Variants in FOXN3 observed in about 807,000 individuals in gnomAD.
The protein encoded by FOXN3 is forkhead box N3, also known as forkhead box protein N3.
A neutral mutation model predicts 38.4 loss-of-function variants in FOXN3; 7 were observed. The observed-to-expected ratio is 0.18, with a 90% confidence interval of 0.10 to 0.34. FOXN3 has a LOEUF of 0.34. Ranked by LOEUF, FOXN3 falls within the 10% of genes least tolerant of loss-of-function variation. FOXN3 has a pLI of 1.00. For synonymous variants in FOXN3, 230 were observed against 242.2 expected, an observed-to-expected ratio of 0.95 and a Z score of 0.47; for missense variants, 456 against 613.4, an observed-to-expected ratio of 0.74 and a Z score of 2.71.
intron 1 of FOXN3, among the ~76,000 whole-genome samples, chr14:89,499,697 C>T (rs139949724): frequency 0.017 from 2,512 of 152,152 alleles, 33 homozygotes; most frequent in Non-Finnish European, 0.023. Context: ...GACTCGTTTA[C>T]GTGTAATTTT....
At chr14:89,205,229 C>A (rs1888349855) in intron 4 of FOXN3, among the ~76,000 whole-genome samples, 1 of 151,840 alleles carries the variant, frequency 6.6e-6, no homozygotes, top group Non-Finnish European at 1.5e-5. Flanking sequence ...GTGTGTGTCC[C>A]CCAAAATTCC....
intron 1 of FOXN3, among the ~76,000 whole-genome samples, chr14:89,602,657 T>C (rs2401832): frequency 1 from 151,879 of 151,884 alleles, 75,937 homozygotes; most frequent in Middle Eastern, 1. Flanking sequence ...CCACCACACC[T>C]GGCTAATTTT....
At chr14:89,355,277 G>C (rs1199927459) in intron 2 of FOXN3, 1 of 151,238 alleles carries the variant, frequency 6.6e-6, no homozygotes, top group East Asian at 1.9e-4. Flanking sequence ...GCCCAGGCTG[G>C]AATGCAGTGG....
intron 4 of FOXN3, among the ~76,000 whole-genome samples, chr14:89,209,976 A>G (rs998401014): frequency 6.6e-6 from 1 of 152,222 alleles, no homozygotes; most frequent in African/African-American, 2.4e-5. Flanking sequence ...TATTTATTGG[A>G]ACATTTCATG....
intron 1 of FOXN3, among the ~76,000 whole-genome samples, chr14:89,524,769 T>G (rs1894402668): frequency 1.3e-5 from 2 of 152,194 alleles, no homozygotes; most frequent in Admixed American, 6.5e-5. Context: ...TTACATCTAT[T>G]AAAGAAATTG....
intron 1 of FOXN3, among the ~76,000 whole-genome samples, chr14:89,565,474 G>A (rs1413454861): frequency 6.6e-6 from 1 of 152,200 alleles, no homozygotes; most frequent in Non-Finnish European, 1.5e-5. Context: ...CAGGACCTGG[G>A]AGACATGATC....
chr14:89,541,951 G>A (rs775458193), intron 1 of FOXN3, among the ~76,000 whole-genome samples: 3 of 152,116 alleles, frequency 2.0e-5, no homozygotes, highest in Non-Finnish European at 2.9e-5. Flanking sequence ...GACCCAAGTT[G>A]TTAAAGGAAA....
chr14:89,216,233 T>C (rs1157060110), intron 4 of FOXN3, among the ~76,000 whole-genome samples: 4 of 152,038 alleles, frequency 2.6e-5, no homozygotes, highest in African/African-American at 9.7e-5. Flanking sequence ...ATTCCAGCAA[T>C]AAAAGGCTTT....
At chr14:89,244,265 A>G (rs1280744114) in intron 4 of FOXN3, among the ~76,000 whole-genome samples, 1 of 152,228 alleles carries the variant, frequency 6.6e-6, no homozygotes, top group African/African-American at 2.4e-5. Flanking sequence ...ATTTGACCTT[A>G]TAATACAAAT....
chr14:89,239,713 G>A (rs1986775), intron 4 of FOXN3, among the ~76,000 whole-genome samples: 121,320 of 152,188 alleles, frequency 0.8, 48,413 homozygotes, highest in Non-Finnish European at 0.82. Context: ...TATTTATGGT[G>A]ATGATAATAA....
chr14:89,495,653 T>C lies in FOXN3; in HGVS notation c.-14-83163A>G, dbSNP rs889203255. 3.3e-5 allele frequency among the ~76,000 whole-genome samples: 5 copies of C among 152,174 alleles called. No individual in the cohort carries two copies. The South Asian group carries it at 6.2e-4, about 19-fold the overall frequency. On this transcript the variant is annotated intron_variant, in intron 1 of 6. Transcript: ENST00000345097. ...AAAACTGCAGTCCCTTCCATTAACTTTACATTTCTGCCTCTTATTTGCTTC... is the reference window on the plus strand; with the variant it reads ...AAAACTGCAGTCCCTTCCATTAACTCTACATTTCTGCCTCTTATTTGCTTC...
chr14:89,271,542 CT>C (rs1886151302), intron 4 of FOXN3, among the ~76,000 whole-genome samples: 1 of 152,074 alleles, frequency 6.6e-6, no homozygotes, highest in Non-Finnish European at 1.5e-5. Flanking sequence ...GTATCTGCAT[CT>C]GTCTATCTAC....
intron 1 of FOXN3, among the ~76,000 whole-genome samples, chr14:89,456,882 C>T (rs1892738135): frequency 6.6e-6 from 1 of 152,152 alleles, no homozygotes; most frequent in Admixed American, 6.5e-5. Flanking sequence ...CCTTTCTGAG[C>T]CCAGGTCCTT....
At chr14:89,524,292 T>C (rs1894382094) in intron 1 of FOXN3, among the ~76,000 whole-genome samples, 1 of 133,208 alleles carries the variant, frequency 7.5e-6, no homozygotes, top group Non-Finnish European at 1.5e-5. Flanking sequence ...GAGAATGGTG[T>C]GAAACCCGGG....
chr14:89,530,696 G>A (rs368456632), intron 1 of FOXN3, among the ~76,000 whole-genome samples: 7 of 151,456 alleles, frequency 4.6e-5, no homozygotes, highest in East Asian at 3.9e-4. Flanking sequence ...TGCAACCTCC[G>A]TCTCTTGGGT....
rs1414988954 is a variant in FOXN3, at chr14:89,164,977, G to C, written c.852-2008C>G. On this transcript the variant is annotated intron_variant, in intron 5 of 5. Coordinates refer to ENST00000557258, the MANE Select transcript of FOXN3 (RefSeq NM_005197.4). This position sits in a 1 kb window ranked among gnomAD's most constrained non-coding sequence, Gnocchi z 4.3. Reference sequence around the variant, plus strand: ...GCCGGTGGTATTTTGCTAAATTTAGGCTGGGGGAGAGACTCCGTACTGTCG... The same window carrying C: ...GCCGGTGGTATTTTGCTAAATTTAGCCTGGGGGAGAGACTCCGTACTGTCG... 6.6e-6 allele frequency among the ~76,000 whole-genome samples: 1 copy of C among 152,096 alleles called. No homozygotes were observed. The highest frequency in any genetic ancestry group is 1.5e-5 in the Non-Finnish European group (1 of 68,010).
At chr14:89,192,652 T>C in intron 4 of FOXN3, among the ~76,000 whole-genome samples, 1 of 141,576 alleles carries the variant, frequency 7.1e-6, no homozygotes, top group South Asian at 2.3e-4. Context: ...CTTATATAGT[T>C]TATATATACT....
rs549171268 is a variant in FOXN3, at chr14:89,162,558, T to C, written c.1263A>G (p.Glu421=). 2 of 1,613,896 alleles carry C rather than the reference T, an allele frequency of 1.2e-6. No individual in the cohort carries two copies. The highest frequency in any genetic ancestry group is 2.2e-5 in the East Asian group (1 of 44,852). Residue 421 remains glutamate, a synonymous_variant, in exon 6 of 6, where the codon GAA becomes GAG. Coordinates refer to ENST00000557258, the MANE Select transcript of FOXN3 (RefSeq NM_005197.4). This position sits in a 1 kb window ranked among gnomAD's most constrained non-coding sequence, Gnocchi z 7.2. ...CCTCATCATCGCTCTCGGGGGGCTT[T>C]TCGGTGCGTCTCTTTTTGAGGGGCA... ...DTLPLKKRRT[E]KPPESDDEEM...
chr14:89,340,931 G>A (rs1888597340), intron 3 of FOXN3, among the ~76,000 whole-genome samples: 1 of 152,110 alleles, frequency 6.6e-6, no homozygotes, highest in South Asian at 2.1e-4. Context: ...CAAGAGAAGA[G>A]CCTGACCTCT....
Sources: gnomAD v4.1 joint callset for allele counts (sites outside exome capture counted in the v4.1 genomes callset) on GRCh38, gnomAD v4.1.1 for gene constraint, Gnocchi (gnomAD v3.1) non-coding constraint, MANE v1.5 for transcripts, NCBI Gene and HGNC (gene_info 2026-07-23, HGNC 2026-07-21) for gene names.